SNX14: variants seen among roughly 807,000 people sequenced by gnomAD.
The protein encoded by SNX14 is sorting nexin-14.
A neutral mutation model predicts 133.8 loss-of-function variants in SNX14; 93 were observed. The ratio of observed to expected loss-of-function variants is 0.70; its 90% CI spans 0.59 to 0.83. SNX14 has a LOEUF of 0.83. Ranked by LOEUF, SNX14 falls within the 40% of genes least tolerant of loss-of-function variation. The pLI is 0.00. For synonymous variants in SNX14, 368 were observed against 365.6 expected (o/e 1.01, Z -0.07); for missense variants, 945 against 1,094.9 (o/e 0.86, Z 1.93).
intron 26 of SNX14, among the ~76,000 whole-genome samples, chr6:85,512,165 G>C (rs890173154): frequency 6.6e-6 from 1 of 152,154 alleles, no homozygotes; most frequent in Non-Finnish European, 1.5e-5. Flanking sequence ...TCAGGCTCTG[G>C]TCACTTTCTA....
At position 85,586,636 on chromosome 6, in the gene SNX14, C is replaced by T. The variant is rs908136053; in HGVS notation, c.140+6943G>A. On this transcript the variant is annotated intron_variant, in intron 1 of 28. Transcript: ENST00000314673. ...TGCACTGTCACCCAGGCTGGAGTGT[C>T]GGGGCACAATCATATTTCACTGTAG... 4.0e-5 allele frequency among the ~76,000 whole-genome samples: 6 copies of T among 151,884 alleles called. No individual in the cohort carries two copies. The East Asian group carries it at 5.8e-4, about 15-fold the overall frequency.
chr6:85,538,837 C>G lies in SNX14; in HGVS notation c.1475+1G>C. 6.3e-7 allele frequency: 1 copy of G among 1,595,086 alleles called. No individual in the cohort carries two copies. The highest frequency in any genetic ancestry group is 1.1e-5 in the South Asian group (1 of 87,664). On this transcript the variant is annotated splice_donor_variant, in intron 16 of 28. Coordinates refer to ENST00000314673, the MANE Select transcript of SNX14 (RefSeq NM_153816.6). LOFTEE classifies it high-confidence loss of function. ...AAAAGAATCACATGCTCAAGACTTA[C>G]CGAAAATCATCCAAACTTAGGCTAC...
At chr6:85,544,423 A>G (rs1196233689) in intron 12 of SNX14, among the ~76,000 whole-genome samples, 1 of 152,204 alleles carries the variant, frequency 6.6e-6, no homozygotes, top group African/African-American at 2.4e-5. Context: ...CCATTCCTGT[A>G]TGAGTTAACA....
At position 85,543,263 on chromosome 6, in the gene SNX14, C is replaced by T; in HGVS notation, c.1308G>A (p.Met436Ile). ...PYIDVVKLQT[M>I]RCLFEAYEHV... is the part of the protein sequence containing the mutation. ...GTTCATATGCTTCAAAAAGACATCT[C>T]ATAGTTTGAAGTTTCACAACATCTA... Residue 436 changes from methionine (M) to isoleucine (I), a missense_variant, in exon 14 of 29, where the codon ATG (methionine) becomes ATA (isoleucine). By Grantham distance (10) the Met-to-Ile change is conservative. This residue lies in a region of SNX14 where 514 missense variants were observed against 538.8 expected (regional missense o/e 0.95). Transcript: ENST00000314673. The T allele has an allele frequency of 6.3e-7, 1 of 1,598,862 alleles. No individual in the cohort carries two copies. The highest frequency in any genetic ancestry group is 8.5e-7 in the Non-Finnish European group (1 of 1,174,316).
At chr6:85,567,793 G>A in intron 4 of SNX14, 3 of 319,870 alleles carry the variant, frequency 9.4e-6, no homozygotes, top group Non-Finnish European at 1.7e-5. Flanking sequence ...GACCAGCCTG[G>A]GTAACATGAT....
chr6:85,530,318 A>G (rs762618156), intron 18 of SNX14, 43 bp from the exon 19 acceptor site: 17 of 1,264,202 alleles, frequency 1.3e-5, no homozygotes, highest in Non-Finnish European at 1.8e-5. Flanking sequence ...AATAATTTCA[A>G]AACCTAAAAG....
intron 18 of SNX14, among the ~76,000 whole-genome samples, chr6:85,533,044 G>A (rs945682266): frequency 1.3e-5 from 2 of 152,076 alleles, no homozygotes; most frequent in Admixed American, 1.3e-4. Flanking sequence ...GCACCAAGAC[G>A]TGTGGCTAAT....
intron 1 of SNX14, among the ~76,000 whole-genome samples, chr6:85,588,508 C>T (rs972030164): frequency 7.9e-5 from 12 of 151,522 alleles, no homozygotes; most frequent in East Asian, 3.9e-4. Flanking sequence ...ACCCGGGAGG[C>T]GGAGCTTGCA....
intron 19 of SNX14, among the ~76,000 whole-genome samples, 155 bp downstream of exon 19, chr6:85,530,037 A>T (rs1272283719): frequency 2.0e-5 from 3 of 152,220 alleles, no homozygotes; most frequent in African/African-American, 7.2e-5. Flanking sequence ...AATAAGATAA[A>T]CAGTACATTT....
rs755818862 is a variant in SNX14, at chr6:85,565,404, A to C, written c.477T>G (p.Asp159Glu). The change falls in exon 6 of 29, where the codon GAT becomes GAG. Residue 159 changes from aspartate (D) to glutamate (E), a missense_variant. Around this residue, in one of 3 missense-constraint regions of SNX14, gnomAD observed 514 missense variants for 538.8 expected, o/e 0.95. Coordinates refer to ENST00000314673, the MANE Select transcript of SNX14 (RefSeq NM_153816.6). The stretch of plus-strand genomic sequence containing the variant: ...TTCTCAGTTCATCAACAAAGGATTC[A>C]TCATCTGTCACATCCCTTCAATAAG... ...VYPWYRDVTD[D>E]ESFVDELRIT... The C allele has an allele frequency of 1.2e-5, 19 of 1,602,224 alleles. No homozygotes were observed. Among genetic ancestry groups the C allele is most frequent in the Non-Finnish European group, 1.4e-5 (16 of 1,173,532 alleles).
chr6:85,505,815 G>T lies in SNX14; in HGVS notation c.*152C>A. On this transcript the variant is annotated 3_prime_UTR_variant, in exon 29 of 29. Transcript: ENST00000314673. The stretch of plus-strand genomic sequence containing the variant: ...AGACTCAATCACTTTTAATCATTAA[G>T]TTTGTGTTAGTCTTTATTAAAAACA... 1.6e-6 allele frequency: 1 copy of T among 622,290 alleles called. No homozygotes were observed. 38.5% of individuals were successfully genotyped at this position (622,290 alleles called of 1,614,324 possible). A position where few individuals can be genotyped will look rare whatever the true frequency, so the allele number is the denominator to read the frequency against.
intron 5 of SNX14, among the ~76,000 whole-genome samples, chr6:85,566,916 T>C (rs968006174): frequency 2.6e-5 from 4 of 152,234 alleles, no homozygotes; most frequent in East Asian, 1.9e-4. Flanking sequence ...TCTAAAGTAT[T>C]TTCTGTATCT....
Position 85,572,118 on chromosome 6 carries a change from T to C in SNX14, c.417+19A>G, listed in dbSNP as rs201728314. On this transcript the variant is annotated intron_variant, in intron 4 of 28. Coordinates refer to ENST00000314673, the MANE Select transcript of SNX14 (RefSeq NM_153816.6). ...GGCATTTAACATTTTCTGTTAATAA[T>C]ATTAATTAAATCAGTTACCTCTGAG... The C allele has an allele frequency of 6.3e-7, 1 of 1,584,718 alleles. No individual in the cohort carries two copies. The highest frequency in any genetic ancestry group is 1.4e-5 in the African/African-American group (1 of 73,436).
chr6:85,539,510 TA>T (rs1204301481), intron 15 of SNX14, among the ~76,000 whole-genome samples: 3 of 152,178 alleles, frequency 2.0e-5, no homozygotes, highest in African/African-American at 7.2e-5. Flanking sequence ...TAATATGCAT[TA>T]GAATTTTACT....
intron 26 of SNX14, chr6:85,508,513 G>T: frequency 5.5e-6 from 2 of 362,910 alleles, no homozygotes; most frequent in Non-Finnish European, 7.6e-6. Context: ...GTGGGCAGAA[G>T]ATAGCTTCTA....
rs117825282 is a variant in SNX14, at chr6:85,551,673, C to G, written c.635-1794G>C. 2.5e-3 allele frequency among the ~76,000 whole-genome samples: 378 copies of G among 152,284 alleles called. 1 individual carries two copies. Among genetic ancestry groups the G allele is most frequent in the Non-Finnish European group, 4.6e-3 (310 of 68,020 alleles). ...ATGTTTTCCTGGTTTGCAAACTGTTCCCTGAAACAAAGTCTCTTTACTCTC... is the reference window on the plus strand; with the variant it reads ...ATGTTTTCCTGGTTTGCAAACTGTTGCCTGAAACAAAGTCTCTTTACTCTC... On this transcript the variant is annotated intron_variant, in intron 7 of 28. Coordinates refer to ENST00000314673, the MANE Select transcript of SNX14 (RefSeq NM_153816.6).
At chr6:85,566,881 AATTTCAAAATAG>A (rs1303522163) in intron 5 of SNX14, among the ~76,000 whole-genome samples, 3 of 152,148 alleles carry the variant, frequency 2.0e-5, no homozygotes, top group Non-Finnish European at 4.4e-5. Context: ...GGATCTCTCT[AATTTCAAAATAG>A]ATTTCTGTCA....
In SNX14 at chr6:85,547,514, C is replaced by T; in HGVS notation, c.904G>A (p.Asp302Asn). 3 of 1,603,296 alleles carry T rather than the reference C, an allele frequency of 1.9e-6. No individual in the cohort carries two copies. Among genetic ancestry groups the T allele is most frequent in the East Asian group, 2.2e-5 (1 of 44,780 alleles). Residue 302 changes from aspartate (D) to asparagine (N), a missense_variant, in exon 10 of 29, where the codon GAC becomes AAC. Asp to Asn is a conservative substitution (Grantham distance 23). Transcript: ENST00000314673. ...ATATATTCAATACTCACTGGACTGTCATCTATGAAGATGATAAGCAAATGA... is the reference window on the plus strand; with the variant it reads ...ATATATTCAATACTCACTGGACTGTTATCTATGAAGATGATAAGCAAATGA... ...VNHLLIIFID[D>N]SPPEKATEPA...
intron 18 of SNX14, 146 bp from the exon 19 acceptor site, chr6:85,530,421 G>C (rs531358605): frequency 9.3e-5 from 44 of 472,402 alleles, no homozygotes; most frequent in African/African-American, 8.2e-4. Context: ...AAGGTGGGTG[G>C]ATCATTTGAG....
Sources: gnomAD v4.1 joint callset for allele counts (sites outside exome capture counted in the v4.1 genomes callset) on GRCh38, gnomAD v4.1.1 for gene constraint, gnomAD v4.1.1 regional missense constraint, MANE v1.5 for transcripts, NCBI Gene and HGNC (gene_info 2026-07-23, HGNC 2026-07-21) for gene names.